Variants in PARVB observed in about 807,000 individuals in gnomAD.
The protein encoded by PARVB is beta-parvin.
In PARVB, 46 loss-of-function variants were observed where a neutral mutation model predicts 47.0. The ratio of observed to expected loss-of-function variants is 0.98; its 90% CI spans 0.77 to 1.25. The LOEUF is 1.25. PARVB is among the 50% of genes most tolerant of loss of function. PARVB has a pLI of 0.00. For synonymous variants in PARVB, 196 were observed against 196.3 expected (o/e 1.00, Z 0.01); for missense variants, 473 against 471.6 (o/e 1.00, Z -0.03).
At chr22:44,115,818 T>TACTA (rs559660716) in intron 3 of PARVB, 117 of 134,762 alleles carry the variant, frequency 8.7e-4, no homozygotes, top group African/African-American at 3.6e-3. Context: ...GATACATTGT[T>TACTA]ACTAAGGCCC....
At chr22:44,129,555 A>T (rs1044703365) in intron 4 of PARVB, among the ~76,000 whole-genome samples, 1 of 152,084 alleles carries the variant, frequency 6.6e-6, no homozygotes, top group Non-Finnish European at 1.5e-5. Context: ...GTATGATCCT[A>T]TCTCTCTCCT....
At chr22:44,020,695 G>A (rs1358141391), upstream of PARVB, among the ~76,000 whole-genome samples, 1 of 152,104 alleles carries the variant, frequency 6.6e-6, no homozygotes, top group Non-Finnish European at 1.5e-5. Context: ...ATGGAGGAGG[G>A]GCATTAAGCT....
intron 10 of PARVB, among the ~76,000 whole-genome samples, chr22:44,154,336 A>AT (rs2053872715): frequency 6.6e-6 from 1 of 152,218 alleles, no homozygotes; most frequent in African/African-American, 2.4e-5. Context: ...GAATTTGGGT[A>AT]TTTTTATAAA....
chr22:44,117,954 T>C (rs940692187), intron 3 of PARVB, among the ~76,000 whole-genome samples: 16 of 151,982 alleles, frequency 1.1e-4, no homozygotes, highest in African/African-American at 3.6e-4. Flanking sequence ...TTGGCGGGAG[T>C]CCTGTCTTTC....
At chr22:44,038,974 CA>C (rs1218704270) in intron 1 of PARVB, among the ~76,000 whole-genome samples, 1 of 152,126 alleles carries the variant, frequency 6.6e-6, no homozygotes, top group Non-Finnish European at 1.5e-5. Flanking sequence ...GACACGTCAC[CA>C]AAGAAGATTG....
At position 44,049,383 on chromosome 22, in the gene PARVB, C is replaced by T. The variant is rs1480546886; in HGVS notation, c.112+24932C>T. On this transcript the variant is annotated intron_variant, in intron 1 of 12. Transcript: ENST00000338758. This position sits in a 1 kb window ranked among gnomAD's most constrained non-coding sequence, Gnocchi z 4.0. ...AGGCCCTAGACAAGAATCGGAGGTC[C>T]GTTTCTCAAGTTTAGCTCCTGTCTG... 2.0e-5 allele frequency among the ~76,000 whole-genome samples: 3 copies of T among 152,178 alleles called. No individual in the cohort carries two copies. The highest frequency in any genetic ancestry group is 6.5e-5 in the Admixed American group (1 of 15,280).
intron 1 of PARVB, among the ~76,000 whole-genome samples, chr22:44,082,089 G>A (rs1018126751): frequency 1.3e-5 from 2 of 152,206 alleles, no homozygotes; most frequent in Non-Finnish European, 2.9e-5. Context: ...CCGAGAAAAC[G>A]GGAGGCAAAT....
intron 11 of PARVB, among the ~76,000 whole-genome samples, chr22:44,158,546 C>T (rs756897855): frequency 6.6e-6 from 1 of 152,228 alleles, no homozygotes; most frequent in Non-Finnish European, 1.5e-5. Context: ...TTTTTCCCTA[C>T]TGAAACAACA....
upstream of PARVB, among the ~76,000 whole-genome samples, chr22:44,022,797 A>G (rs2050666539): frequency 6.6e-6 from 1 of 150,840 alleles, no homozygotes; most frequent in African/African-American, 2.4e-5. Flanking sequence ...CCCAGGCTGG[A>G]GTGCAGTAGC....
chr22:44,133,651 G>A (rs146939183), intron 6 of PARVB, among the ~76,000 whole-genome samples: 2,981 of 152,096 alleles, frequency 0.02, 39 homozygotes, highest in Non-Finnish European at 0.026. Context: ...CGGTCCTCCC[G>A]CCTCAGCCTC....
At chr22:44,067,927 G>T (rs940272582) in intron 1 of PARVB, among the ~76,000 whole-genome samples, 2 of 152,196 alleles carry the variant, frequency 1.3e-5, no homozygotes, top group African/African-American at 4.8e-5. Flanking sequence ...TGGGGGACAG[G>T]GGTGACCGGC....
chr22:44,140,259 C>A, intron 8 of PARVB, 116 bp downstream of exon 8: 2 of 1,008,664 alleles, frequency 2.0e-6, no homozygotes, highest in Non-Finnish European at 3.2e-6. Context: ...GGTCTCACTG[C>A]CCCCATAGTT....
intron 2 of PARVB, among the ~76,000 whole-genome samples, chr22:44,006,746 G>A (rs1223725283): frequency 6.6e-6 from 1 of 152,208 alleles, no homozygotes; most frequent in African/African-American, 2.4e-5. Context: ...CTCTAGGTTT[G>A]AACTCAGCAC....
upstream of PARVB, among the ~76,000 whole-genome samples, chr22:44,019,818 A>G (rs1300578760): frequency 1.3e-5 from 2 of 152,212 alleles, no homozygotes; most frequent in Non-Finnish European, 2.9e-5. Flanking sequence ...CCGACTCCCA[A>G]CACGGGATTG....
intron 10 of PARVB, chr22:44,153,315 G>A (rs893024937): frequency 6.6e-6 from 1 of 151,974 alleles, no homozygotes; most frequent in Non-Finnish European, 1.5e-5. Context: ...TATTTTTCTA[G>A]ATATTTTCTT....
chr22:44,073,426 A>T (rs147526549), intron 1 of PARVB, among the ~76,000 whole-genome samples: 79 of 152,314 alleles, frequency 5.2e-4, no homozygotes, highest in African/African-American at 1.8e-3. Flanking sequence ...CCCAGGAGGC[A>T]GAGGTTGCGG....
chr22:44,034,230 TATAC>T lies in PARVB; in HGVS notation c.112+9783_112+9786del, dbSNP rs554707884. The stretch of plus-strand genomic sequence containing the variant: ...TATATTATAAAGAATATATATTCTT[TATAC>T]ATATATATTTGAGATGGGTGTCTTT... On this transcript the variant is annotated intron_variant, in intron 1 of 12. Coordinates refer to ENST00000338758, the MANE Select transcript of PARVB (RefSeq NM_013327.5). 1.8e-3 allele frequency among the ~76,000 whole-genome samples: 270 copies of T among 150,230 alleles called. 4 individuals carry two copies. The highest frequency in any genetic ancestry group is 8.8e-3 in the South Asian group (42 of 4,768).
intron 6 of PARVB, among the ~76,000 whole-genome samples, chr22:44,135,210 C>T (rs759065984): frequency 6.6e-5 from 10 of 151,826 alleles, no homozygotes; most frequent in South Asian, 2.1e-4. Context: ...CTGTGACAGG[C>T]GGGCTGCCAC....
chr22:44,025,805 G>A (rs1238289841), intron 1 of PARVB, among the ~76,000 whole-genome samples: 2 of 152,194 alleles, frequency 1.3e-5, no homozygotes, highest in African/African-American at 2.4e-5. Context: ...GGCTTGCAAC[G>A]ATTATAGACG....
Sources: gnomAD v4.1 joint callset for allele counts (sites outside exome capture counted in the v4.1 genomes callset) on GRCh38, gnomAD v4.1.1 for gene constraint, Gnocchi (gnomAD v3.1) non-coding constraint, MANE v1.5 for transcripts, NCBI Gene and HGNC (gene_info 2026-07-23, HGNC 2026-07-21) for gene names.